Variants in RIMKLB observed in about 807,000 individuals in gnomAD.
RIMKLB encodes ribosomal modification protein rimK like family member B, also known as beta-citrylglutamate synthase B.
RIMKLB carries 7 observed loss-of-function variants against 32.0 expected under a neutral mutation model. The observed-to-expected ratio is 0.22, with a 90% CI of 0.12 to 0.41. RIMKLB has a LOEUF of 0.41. Ranked by LOEUF, RIMKLB falls within the 10% of genes least tolerant of loss-of-function variation. The pLI, the probability that RIMKLB is intolerant of heterozygous loss-of-function variation, is 1.00. For synonymous variants in RIMKLB, 172 were observed against 185.1 expected (o/e 0.93, Z 0.57); for missense variants, 289 against 498.7 (o/e 0.58, Z 4.00).
At chr12:8,730,320 G>A (rs1319535078) in intron 2 of RIMKLB, among the ~76,000 whole-genome samples, 2 of 152,042 alleles carry the variant, frequency 1.3e-5, no homozygotes, top group Non-Finnish European at 2.9e-5. Flanking sequence ...TGAATTGCTG[G>A]GCTCAGGCAG....
At chr12:8,703,775 AGCGTCACT>A (rs1473270506) in intron 1 of RIMKLB, among the ~76,000 whole-genome samples, 2 of 152,210 alleles carry the variant, frequency 1.3e-5, no homozygotes, top group Non-Finnish European at 2.9e-5. Flanking sequence ...CTGCTAGAAC[AGCGTCACT>A]GCCAAATGAA....
chr12:8,775,663 G>A lies in RIMKLB; in HGVS notation c.*1879G>A, dbSNP rs1273139418. The A allele has an allele frequency of 1.5e-5, 15 of 985,352 alleles. No individual in the cohort carries two copies. The highest frequency in any genetic ancestry group is 1.8e-5 in the Non-Finnish European group (15 of 829,758). The allele number at this position is 985,352 out of a possible 1,614,324, so 61.0% of individuals were successfully genotyped here. ...TGCTTACTTGTACAGTTTTTCCCCCGTTTTAAAAAGGAATGTAATAAAATT... is the reference window on the plus strand; with the variant it reads ...TGCTTACTTGTACAGTTTTTCCCCCATTTTAAAAAGGAATGTAATAAAATT... On this transcript the variant is annotated 3_prime_UTR_variant, in exon 6 of 6. Coordinates refer to ENST00000535829, the MANE Select transcript of RIMKLB (RefSeq NM_001297776.2).
chr12:8,680,747 G>A (rs141627966), upstream of RIMKLB, among the ~76,000 whole-genome samples: 238 of 152,270 alleles, frequency 1.6e-3, no homozygotes, highest in African/African-American at 5.5e-3. Context: ...ATTCAGTTAA[G>A]ATGAAAAGCG....
At chr12:8,748,559 C>CGCATAT (rs1555168490) in intron 2 of RIMKLB, among the ~76,000 whole-genome samples, 16 of 125,664 alleles carry the variant, frequency 1.3e-4, no homozygotes, top group African/African-American at 5.0e-4. Context: ...TGTGTGTGTG[C>CGCATAT]ATATATATAT....
chr12:8,673,387 A>C, the RIMKLB span, among the ~76,000 whole-genome samples: 8 of 152,204 alleles, frequency 5.3e-5, no homozygotes, highest in East Asian at 1.5e-3. Context: ...TACACCAAAA[A>C]CTTAGTGACT....
intron 2 of RIMKLB, among the ~76,000 whole-genome samples, chr12:8,729,527 G>C (rs1344617918): frequency 6.6e-6 from 1 of 152,124 alleles, no homozygotes; most frequent in Non-Finnish European, 1.5e-5. Flanking sequence ...GTTTTTGTGG[G>C]CACAAGATGG....
At chr12:8,720,451 G>C (rs1300870185) in intron 2 of RIMKLB, among the ~76,000 whole-genome samples, 1 of 152,166 alleles carries the variant, frequency 6.6e-6, no homozygotes, top group East Asian at 1.9e-4. Context: ...TTCACATGGA[G>C]CTCAGGAGTC....
Position 8,776,870 on chromosome 12 carries a change from A to G in RIMKLB, c.*3086A>G. ...ATTGAAGGCATTGACTTTGAAAATC[A>G]TCTCTTTTTCTCAAGAAGAAAGCAA... On this transcript the variant is annotated 3_prime_UTR_variant, in exon 6 of 6. Coordinates refer to ENST00000535829, the MANE Select transcript of RIMKLB (RefSeq NM_001297776.2). The G allele has an allele frequency of 1.0e-6, 1 of 985,806 alleles. No individual in the cohort carries two copies. The highest frequency in any genetic ancestry group is 1.2e-6 in the Non-Finnish European group (1 of 829,908). 61.1% of individuals were successfully genotyped at this position (985,806 alleles called of 1,614,324 possible).
chr12:8,754,214 A>T, intron 5 of RIMKLB, 121 bp downstream of exon 5: 2 of 692,824 alleles, frequency 2.9e-6, no homozygotes, highest in African/African-American at 1.8e-5. Flanking sequence ...TTCCTTTTAC[A>T]TGTAAATATG....
At chr12:8,670,660 C>T in the RIMKLB span, among the ~76,000 whole-genome samples, 9 of 152,318 alleles carry the variant, frequency 5.9e-5, no homozygotes, top group South Asian at 2.1e-4. Flanking sequence ...AAGCTGCTGG[C>T]GGATCTACCA....
chr12:8,735,557 C>T (rs1388539292), intron 2 of RIMKLB, among the ~76,000 whole-genome samples: 1 of 151,532 alleles, frequency 6.6e-6, no homozygotes, highest in Non-Finnish European at 1.5e-5. Context: ...ATGTAAATAC[C>T]AAGAGATTAA....
chr12:8,774,668 T>G lies in RIMKLB; in HGVS notation c.*884T>G, dbSNP rs1172724133. 8.1e-6 allele frequency: 8 copies of G among 985,690 alleles called. No homozygotes were observed. Among genetic ancestry groups the G allele is most frequent in the Non-Finnish European group, 9.6e-6 (8 of 829,910 alleles). The allele number at this position is 985,690 out of a possible 1,614,324, so 61.1% of individuals were successfully genotyped here. A position where few individuals can be genotyped will look rare whatever the true frequency, so the allele number is the denominator to read the frequency against. On this transcript the variant is annotated 3_prime_UTR_variant, in exon 6 of 6. Coordinates refer to ENST00000535829, the MANE Select transcript of RIMKLB (RefSeq NM_001297776.2). ...AAAGTGAAGAAAATGCTACCTTTTT[T>G]GTTAACAAGACACTGACTTGAAACA...
chr12:8,700,887 G>A (rs1172099514), intron 1 of RIMKLB, among the ~76,000 whole-genome samples: 1 of 152,018 alleles, frequency 6.6e-6, no homozygotes, highest in Non-Finnish European at 1.5e-5. Flanking sequence ...CCAACATGGC[G>A]AAACCCTGTC....
intron 1 of RIMKLB, among the ~76,000 whole-genome samples, chr12:8,687,871 A>G (rs1358980793): frequency 1.3e-5 from 2 of 151,740 alleles, no homozygotes; most frequent in African/African-American, 2.4e-5. Context: ...TTCAAGAAAC[A>G]ATTGCTTTGC....
chr12:8,678,028 C>T (rs1022674604), upstream of RIMKLB, among the ~76,000 whole-genome samples: 2 of 151,598 alleles, frequency 1.3e-5, no homozygotes, highest in Non-Finnish European at 2.9e-5. Flanking sequence ...ACAATCAGCT[C>T]ACCTTAGCCT....
intron 1 of RIMKLB, among the ~76,000 whole-genome samples, chr12:8,687,573 G>GT (rs987487086): frequency 6.6e-6 from 1 of 151,794 alleles, no homozygotes; most frequent in African/African-American, 2.4e-5. Flanking sequence ...TCTTTCCTTT[G>GT]TAAGTCCCCA....
At chr12:8,729,421 G>A (rs981420562) in intron 2 of RIMKLB, among the ~76,000 whole-genome samples, 5 of 152,092 alleles carry the variant, frequency 3.3e-5, no homozygotes, top group East Asian at 3.9e-4. Flanking sequence ...CTGCGCTCTC[G>A]AGCTGTCCCT....
At chr12:8,707,351 A>G (rs74059967) in intron 1 of RIMKLB, among the ~76,000 whole-genome samples, 3,173 of 152,266 alleles carry the variant, frequency 0.021, 109 homozygotes, top group African/African-American at 0.072. Flanking sequence ...AGTTTACATA[A>G]CTCAGGGAAA....
At chr12:8,746,733 A>G (rs1309333644) in intron 2 of RIMKLB, among the ~76,000 whole-genome samples, 1 of 151,994 alleles carries the variant, frequency 6.6e-6, no homozygotes, top group Non-Finnish European at 1.5e-5. Flanking sequence ...CTGGAGAATA[A>G]TTTCTACTTT....
Sources: gnomAD v4.1 joint callset for allele counts (sites outside exome capture counted in the v4.1 genomes callset) on GRCh38, gnomAD v4.1.1 for gene constraint, MANE v1.5 for transcripts, NCBI Gene and HGNC (gene_info 2026-07-23, HGNC 2026-07-21) for gene names.